The following C6orf89 variants were observed in gnomAD, a reference collection of about 807,000 sequenced individuals.
C6orf89 encodes the protein bombesin receptor-activated protein C6orf89.
A neutral mutation model predicts 40.7 loss-of-function variants in C6orf89; 29 were observed. The observed-to-expected ratio is 0.71, with a 90% CI of 0.53 to 0.97. C6orf89 has a LOEUF of 0.97. Among genes scored for constraint, C6orf89 ranks in the 50% least tolerant of loss-of-function variants. The pLI is 0.00. For synonymous variants in C6orf89, 165 were observed against 152.2 expected (o/e 1.08, Z -0.62); for missense variants, 392 against 429.1 (o/e 0.91, Z 0.76).
intron 2 of C6orf89, among the ~76,000 whole-genome samples, chr6:36,896,807 T>A (rs113948306): frequency 0.01 from 1,542 of 152,158 alleles, 25 homozygotes; most frequent in African/African-American, 0.035. Flanking sequence ...AGGTATTTGA[T>A]CCATTTTGAG....
intron 1 of C6orf89, among the ~76,000 whole-genome samples, chr6:36,886,917 A>G (rs9357229): frequency 0.3 from 46,029 of 152,120 alleles, 7,758 homozygotes; most frequent in Non-Finnish European, 0.37. Flanking sequence ...CTAAAGGTTC[A>G]TGTAGCCCAA....
intron 7 of C6orf89, 68 bp from the exon 8 acceptor site, chr6:36,919,510 C>T: frequency 6.5e-7 from 1 of 1,550,172 alleles, no homozygotes; most frequent in Non-Finnish European, 8.8e-7. Context: ...TTTTTATTTA[C>T]TAAACCCCCT....
At chr6:36,876,671 C>A (rs34597881) in intron 1 of C6orf89, among the ~76,000 whole-genome samples, 10,853 of 145,320 alleles carry the variant, frequency 0.075, 399 homozygotes, top group South Asian at 0.098. Context: ...CTGCAGTGAG[C>A]AGAGATTTTG....
intron 4 of C6orf89, among the ~76,000 whole-genome samples, chr6:36,904,119 C>G (rs1761835959): frequency 6.6e-6 from 1 of 152,208 alleles, no homozygotes; most frequent in African/African-American, 2.4e-5. Flanking sequence ...CTAACGGCAA[C>G]TCCTGATGAG....
At chr6:36,916,951 G>A (rs940355110) in intron 7 of C6orf89, among the ~76,000 whole-genome samples, 6 of 151,982 alleles carry the variant, frequency 3.9e-5, no homozygotes, top group Non-Finnish European at 7.4e-5. Flanking sequence ...GGTCGCTCAC[G>A]CCTGTAATCC....
At chr6:36,904,534 C>T (rs6932175) in intron 4 of C6orf89, among the ~76,000 whole-genome samples, 37,867 of 151,936 alleles carry the variant, frequency 0.25, 5,010 homozygotes, top group African/African-American at 0.31. Flanking sequence ...CAGCATTTTG[C>T]GTAGCATTTG....
chr6:36,900,219 T>G (rs577808878), intron 3 of C6orf89, among the ~76,000 whole-genome samples: 1 of 149,676 alleles, frequency 6.7e-6, no homozygotes, highest in South Asian at 2.1e-4. Flanking sequence ...GTTTTTTTTT[T>G]GAGATGGAGT....
chr6:36,895,005 TC>T lies in C6orf89; in HGVS notation c.-20+403del, dbSNP rs1218838535. Among the ~76,000 whole-genome samples the T allele has an allele frequency of 3.3e-5, 5 of 152,200 alleles. No individual in the cohort carries two copies. In the East Asian group the frequency reaches 9.6e-4, roughly 29 times the overall value. ...CAATTGGCAAAGCTTGTCTCCAGGTTCAATGCTGTTTCATTTTTCCAGCTGT... is the reference window on the plus strand; with the variant it reads ...CAATTGGCAAAGCTTGTCTCCAGGTTAATGCTGTTTCATTTTTCCAGCTGT... On this transcript the variant is annotated intron_variant, in intron 2 of 8. Coordinates refer to ENST00000480824, the MANE Select transcript of C6orf89 (RefSeq NM_001286635.2).
chr6:36,873,876 G>A (rs976349008), intron 1 of C6orf89, among the ~76,000 whole-genome samples: 1 of 152,170 alleles, frequency 6.6e-6, no homozygotes, highest in Non-Finnish European at 1.5e-5. Context: ...TGAATGTCAG[G>A]ATTAATACGT....
At chr6:36,903,744 A>T (rs1435549072) in intron 4 of C6orf89, among the ~76,000 whole-genome samples, 1 of 152,188 alleles carries the variant, frequency 6.6e-6, no homozygotes, top group Non-Finnish European at 1.5e-5. Context: ...GTCTCCATCG[A>T]AAGCTATTTT....
intron 1 of C6orf89, among the ~76,000 whole-genome samples, chr6:36,878,038 A>T (rs968572242): frequency 1.3e-5 from 2 of 152,220 alleles, no homozygotes; most frequent in Admixed American, 1.3e-4. Flanking sequence ...TTGCAGCTCT[A>T]TAATTCTGTT....
At chr6:36,899,686 C>A in intron 3 of C6orf89, 53 bp downstream of exon 3, 2 of 1,532,478 alleles carry the variant, frequency 1.3e-6, no homozygotes, top group East Asian at 2.3e-5. Context: ...AACTGTTCAA[C>A]ATTCTTCACA....
chr6:36,874,625 C>A, intron 1 of C6orf89: 1 of 1,522,794 alleles, frequency 6.6e-7, no homozygotes. Context: ...TGGAGGCCGG[C>A]CTCCCGGAGG....
intron 2 of C6orf89, among the ~76,000 whole-genome samples, chr6:36,896,231 C>G (rs1761425894): frequency 6.6e-6 from 1 of 152,140 alleles, no homozygotes; most frequent in Non-Finnish European, 1.5e-5. Context: ...CCTCAGCCTC[C>G]CAGATAGCTG....
chr6:36,914,726 A>T, intron 6 of C6orf89, 33 bp downstream of exon 6: 1 of 1,605,120 alleles, frequency 6.2e-7, no homozygotes, highest in Non-Finnish European at 8.5e-7. Flanking sequence ...ACAGTGGCTC[A>T]TGCCTGTGAT....
upstream of C6orf89, among the ~76,000 whole-genome samples, chr6:36,885,346 C>T (rs965232919): frequency 6.6e-6 from 1 of 152,168 alleles, no homozygotes; most frequent in Non-Finnish European, 1.5e-5. Context: ...CTCACTTTGC[C>T]TTTTTTATCT....
chr6:36,874,650 G>A, intron 1 of C6orf89: 1 of 1,579,894 alleles, frequency 6.3e-7, no homozygotes, highest in Non-Finnish European at 8.7e-7. Context: ...CGCCAGGAAC[G>A]CAGACCCGTG....
rs11969196 is a variant in C6orf89 at position 36,912,747 on chromosome 6, T to C, written c.404-1537T>C. Reference sequence around the variant, plus strand: ...GGCAGTTGCCTCCAGGAAACACAGATACTATCTTCAAGAGATGGAGGATGC... The same window carrying C: ...GGCAGTTGCCTCCAGGAAACACAGACACTATCTTCAAGAGATGGAGGATGC... On this transcript the variant is annotated intron_variant, in intron 4 of 8. Transcript: ENST00000480824. 6.0e-3 allele frequency among the ~76,000 whole-genome samples: 907 copies of C among 152,226 alleles called. 2 individuals carry two copies. Among genetic ancestry groups the C allele is most frequent in the African/African-American group, 0.012 (484 of 41,520 alleles).
chr6:36,912,691 T>G (rs1293293549), intron 4 of C6orf89, among the ~76,000 whole-genome samples: 3 of 152,158 alleles, frequency 2.0e-5, no homozygotes, highest in African/African-American at 7.2e-5. Context: ...ATAATCTTCC[T>G]GCGAGTTGAG....
Sources: allele counts gnomAD v4.1 joint callset (sites outside exome capture counted in the v4.1 genomes callset), GRCh38; gene constraint gnomAD v4.1.1; transcripts MANE v1.5; gene names NCBI Gene and HGNC (gene_info 2026-07-23, HGNC 2026-07-21).